The following QTMAN variants were observed in gnomAD, a reference collection of about 807,000 sequenced individuals.
The protein encoded by QTMAN is queuosine-tRNA mannosyltransferase, also known as tRNA-queuosine alpha-mannosyltransferase.
chr2:144,077,682 G>A, the QTMAN span, among the ~76,000 whole-genome samples: 1 of 152,272 alleles, frequency 6.6e-6, no homozygotes, highest in Admixed American at 6.5e-5. Context: ...TGTGTGTTGT[G>A]TGTGTAGGCA....
At chr2:144,135,692 C>T in the QTMAN span, among the ~76,000 whole-genome samples, 2 of 152,194 alleles carry the variant, frequency 1.3e-5, no homozygotes, top group Middle Eastern at 3.4e-3. Flanking sequence ...ATCATTTGTT[C>T]TTTACTGGTC....
At chr2:144,292,058 G>A in the QTMAN span, among the ~76,000 whole-genome samples, 1 of 152,202 alleles carries the variant, frequency 6.6e-6, no homozygotes, top group African/African-American at 2.4e-5. Context: ...TCCTCTGAGT[G>A]TTAGTTTTTC....
chr2:144,059,641 T>C, the QTMAN span, among the ~76,000 whole-genome samples: 1 of 152,106 alleles, frequency 6.6e-6, no homozygotes, highest in Admixed American at 6.5e-5. Flanking sequence ...CTCACCCCTA[T>C]CCAACCCTCC....
chr2:143,987,956 G>C, the QTMAN span, among the ~76,000 whole-genome samples: 15 of 152,298 alleles, frequency 9.8e-5, no homozygotes, highest in South Asian at 3.1e-3. Flanking sequence ...CTCTTGATTG[G>C]ACACCCAAGG....
chr2:144,157,204 G>A, the QTMAN span, among the ~76,000 whole-genome samples: 8 of 151,964 alleles, frequency 5.3e-5, 1 homozygote, highest in Non-Finnish European at 1.2e-4. Flanking sequence ...TCCACACAAC[G>A]TAGACAAAGT....
chr2:144,183,827 G>A, the QTMAN span, among the ~76,000 whole-genome samples: 1 of 152,192 alleles, frequency 6.6e-6, no homozygotes, highest in East Asian at 1.9e-4. Context: ...AACCAACTTG[G>A]TAGCCTGACT....
the QTMAN span, among the ~76,000 whole-genome samples, chr2:144,174,369 T>C: frequency 6.6e-6 from 1 of 152,168 alleles, no homozygotes; most frequent in African/African-American, 2.4e-5. Flanking sequence ...CCTCATTTGG[T>C]TCCCTTCTGT....
chr2:143,988,106 G>A, the QTMAN span, among the ~76,000 whole-genome samples: 128 of 152,300 alleles, frequency 8.4e-4, no homozygotes, highest in African/African-American at 2.9e-3. Context: ...GAACAATTGA[G>A]GAACATAAAT....
At chr2:144,019,553 C>T in the QTMAN span, among the ~76,000 whole-genome samples, 1 of 151,190 alleles carries the variant, frequency 6.6e-6, no homozygotes, top group Non-Finnish European at 1.5e-5. Flanking sequence ...ATTTATCAGT[C>T]CAGGTTCCTC....
At chr2:144,222,083 G>C in the QTMAN span, among the ~76,000 whole-genome samples, 1 of 150,804 alleles carries the variant, frequency 6.6e-6, no homozygotes, top group Non-Finnish European at 1.5e-5. Flanking sequence ...TTTTTGAGAC[G>C]GAGTCTTGCT....
chr2:144,127,670 G>A, the QTMAN span, among the ~76,000 whole-genome samples: 1 of 151,928 alleles, frequency 6.6e-6, no homozygotes, highest in Non-Finnish European at 1.5e-5. Flanking sequence ...TACATGGGAA[G>A]GGCAGAGAGA....
At chr2:143,977,030 G>A in the QTMAN span, among the ~76,000 whole-genome samples, 3 of 152,198 alleles carry the variant, frequency 2.0e-5, no homozygotes, top group Non-Finnish European at 2.9e-5. Context: ...TACATTTAAA[G>A]AGTCTGTTGT....
chr2:144,085,060 G>T, the QTMAN span, among the ~76,000 whole-genome samples: 3 of 152,184 alleles, frequency 2.0e-5, no homozygotes, highest in Admixed American at 1.3e-4. Flanking sequence ...CTGCTCTAAA[G>T]CTTAAAAGGC....
chr2:144,132,786 CAATA>C, the QTMAN span, among the ~76,000 whole-genome samples: 1 of 151,586 alleles, frequency 6.6e-6, no homozygotes, highest in Non-Finnish European at 1.5e-5. Context: ...AAAAGCCGAT[CAATA>C]GATAACAAAA....
chr2:144,300,292 C>G, the QTMAN span, among the ~76,000 whole-genome samples: 1 of 152,122 alleles, frequency 6.6e-6, no homozygotes, highest in Non-Finnish European at 1.5e-5. Flanking sequence ...ACAGTAAAAA[C>G]TATTTTTTTT....
At chr2:144,132,203 A>C in the QTMAN span, among the ~76,000 whole-genome samples, 2 of 151,970 alleles carry the variant, frequency 1.3e-5, no homozygotes, top group Non-Finnish European at 2.9e-5. Flanking sequence ...TGGGTGAACA[A>C]GGGCATATAT....
the QTMAN span, among the ~76,000 whole-genome samples, chr2:143,993,768 G>T: frequency 6.6e-6 from 1 of 152,128 alleles, no homozygotes; most frequent in African/African-American, 2.4e-5. Context: ...GTGGTAATTT[G>T]TTACAGCAGC....
the QTMAN span, among the ~76,000 whole-genome samples, chr2:144,173,922 T>C: frequency 1.3e-5 from 2 of 152,084 alleles, no homozygotes; most frequent in Admixed American, 1.3e-4. Flanking sequence ...CAACATGTGA[T>C]CTCCATAGTC....
chr2:143,984,364 T>C, the QTMAN span, among the ~76,000 whole-genome samples: 12,028 of 152,190 alleles, frequency 0.079, 876 homozygotes, highest in African/African-American at 0.18. Flanking sequence ...AGTGGAGAGA[T>C]GATACCCTTA....
Sources: gnomAD v4.1 joint callset for allele counts (sites outside exome capture counted in the v4.1 genomes callset) on GRCh38, gnomAD v4.1.1 for gene constraint, MANE v1.5 for transcripts, NCBI Gene and HGNC (gene_info 2026-07-23, HGNC 2026-07-21) for gene names.